The following TFAP2E variants were observed in gnomAD, a reference collection of about 807,000 sequenced individuals.
The protein encoded by TFAP2E is transcription factor AP-2 epsilon, also known as transcription factor AP-2-epsilon.
A neutral mutation model predicts 37.9 loss-of-function variants in TFAP2E; 30 were observed. The observed-to-expected ratio is 0.79, with a 90% CI of 0.59 to 1.07. TFAP2E has a LOEUF of 1.07. Among genes scored for constraint, TFAP2E ranks in the 50% least tolerant of loss-of-function variants. TFAP2E has a pLI of 0.00. For missense variants in TFAP2E, 567 were observed against 637.9 expected (o/e 0.89, Z 1.20); for synonymous variants, 318 against 295.8 (o/e 1.08, Z -0.77).
chr1:35,594,386 C>T lies in TFAP2E; in HGVS notation c.1047-8C>T, dbSNP rs750391655. 3.7e-6 allele frequency: 6 copies of T among 1,609,798 alleles called. No individual in the cohort carries two copies. Among genetic ancestry groups the T allele is most frequent in the East Asian group, 2.2e-5 (1 of 44,888 alleles). On this transcript the variant is annotated splice_region_variant and splice_polypyrimidine_tract_variant and intron_variant, in intron 6 of 6. Transcript: ENST00000373235. Reference sequence around the variant, plus strand: ...TCCTCCAACCTCTGACCCTCCTTCTCGCACCAGGCAGATCTGCAAGGAGTT... The same window carrying T: ...TCCTCCAACCTCTGACCCTCCTTCTTGCACCAGGCAGATCTGCAAGGAGTT...
chr1:35,575,221 G>A (rs1359173293), intron 3 of TFAP2E, among the ~76,000 whole-genome samples: 1 of 152,190 alleles, frequency 6.6e-6, no homozygotes, highest in Non-Finnish European at 1.5e-5. Context: ...GCATTCACTG[G>A]GCTGCAGCAC....
intron 6 of TFAP2E, among the ~76,000 whole-genome samples, chr1:35,592,795 C>A (rs1292793330): frequency 6.6e-6 from 1 of 152,156 alleles, no homozygotes; most frequent in Middle Eastern, 3.2e-3. Context: ...ATAGACAGCA[C>A]CTTGCTGTGT....
At chr1:35,576,416 T>C (rs956462630) in intron 3 of TFAP2E, among the ~76,000 whole-genome samples, 2 of 152,128 alleles carry the variant, frequency 1.3e-5, no homozygotes, top group African/African-American at 4.8e-5. Context: ...TGGCTTACTG[T>C]ACAGAGCCTT....
At chr1:35,579,954 C>G (rs1649298046) in intron 3 of TFAP2E, among the ~76,000 whole-genome samples, 1 of 152,120 alleles carries the variant, frequency 6.6e-6, no homozygotes. Context: ...TGCCTGTAAT[C>G]CCAGCACTTT....
Position 35,590,755 on chromosome 1 carries a change from G to A in TFAP2E, c.1026G>A (p.Lys342=). 1 of 1,478,722 alleles carries A rather than the reference G, an allele frequency of 6.8e-7. No individual in the cohort carries two copies. The highest frequency in any genetic ancestry group is 2.1e-5 in the Admixed American group (1 of 46,568). 91.6% of individuals were successfully genotyped at this position (1,478,722 alleles called of 1,614,324 possible). ...ACCCGGGGGAGCTGCACAGCCGCAA[G>A]AGCATGCTGCTGGCTGCCAAGTGAG... ...HADPGELHSR[K]SMLLAAKQIC... Residue 342 remains lysine, a synonymous_variant, in exon 6 of 7, where the codon AAG becomes AAA. Coordinates refer to ENST00000373235, the MANE Select transcript of TFAP2E (RefSeq NM_178548.4). This position sits in a 1 kb window ranked among gnomAD's most constrained non-coding sequence, Gnocchi z 6.2.
At chr1:35,580,553 G>T (rs1317663549) in intron 3 of TFAP2E, among the ~76,000 whole-genome samples, 1 of 152,116 alleles carries the variant, frequency 6.6e-6, no homozygotes, top group African/African-American at 2.4e-5. Context: ...GAGGTCAGGA[G>T]ATCGAGACCA....
rs549538222 is a variant in TFAP2E at position 35,592,685 on chromosome 1, G to A, written c.1047-1709G>A. ...TTGGATTATAGGTGTGAGCCACCAC[G>A]CCCAGCCAACAAGAGACATTTATTT... is the stretch of plus-strand genomic sequence containing the variant. On this transcript the variant is annotated intron_variant, in intron 6 of 6. Coordinates refer to ENST00000373235, the MANE Select transcript of TFAP2E (RefSeq NM_178548.4). 5.3e-5 allele frequency among the ~76,000 whole-genome samples: 8 copies of A among 152,282 alleles called. No individual in the cohort carries two copies. In the South Asian group the frequency reaches 6.2e-4, roughly 12 times the overall value.
intron 3 of TFAP2E, among the ~76,000 whole-genome samples, chr1:35,578,108 TCAAGAGGTGCTTAGTGGG>T (rs1649236756): frequency 6.6e-6 from 1 of 152,100 alleles, no homozygotes; most frequent in African/African-American, 2.4e-5. Flanking sequence ...TGAACCGGGT[TCAAGAGGTGCTTAGTGGG>T]TGTTTGTTGA....
rs1649649456 is a variant in TFAP2E, at chr1:35,590,955, G to T, written c.1046+180G>T. On this transcript the variant is annotated intron_variant, in intron 6 of 6. Coordinates refer to ENST00000373235, the MANE Select transcript of TFAP2E (RefSeq NM_178548.4). The surrounding 1 kb of genome is among the most constrained non-coding windows in gnomAD (Gnocchi z 6.2). ...GTGCGCACCACTGTGTACATCAGCA[G>T]TGAGCACACACGTATGTGTGCGCCA... Among the ~76,000 whole-genome samples the T allele has an allele frequency of 6.6e-6, 1 of 152,106 alleles. No homozygotes were observed. Among genetic ancestry groups the T allele is most frequent in the Non-Finnish European group, 1.5e-5 (1 of 67,990 alleles).
Position 35,573,332 on chromosome 1 carries a change from G to A in TFAP2E, c.-246G>A, listed in dbSNP as rs781117007. 7.6e-4 allele frequency: 339 copies of A among 444,510 alleles called. No homozygotes were observed. The highest frequency in any genetic ancestry group is 1.2e-3 in the Non-Finnish European group (302 of 256,082). The allele number at this position is 444,510 out of a possible 1,614,324, so 27.5% of individuals were successfully genotyped here. On this transcript the variant is annotated 5_prime_UTR_variant, in exon 1 of 7. Transcript: ENST00000373235. This position sits in a 1 kb window ranked among gnomAD's most constrained non-coding sequence, Gnocchi z 5.9. ...TACGCTCAGAGGAGGAAGGGCGGGC[G>A]CTGGGCACCCGTTGACCGACTTTTC...
chr1:35,586,359 C>CA (rs1046851373), intron 3 of TFAP2E, among the ~76,000 whole-genome samples: 44 of 152,320 alleles, frequency 2.9e-4, no homozygotes, highest in African/African-American at 1.0e-3. Context: ...CACTCATTGA[C>CA]AGGTGACATC....
At chr1:35,586,419 G>A (rs1649482375) in intron 3 of TFAP2E, among the ~76,000 whole-genome samples, 1 of 152,152 alleles carries the variant, frequency 6.6e-6, no homozygotes, top group Non-Finnish European at 1.5e-5. Context: ...AACTGACCGG[G>A]CTCTGATGAG....
chr1:35,574,352 A>G lies in TFAP2E; in HGVS notation c.453A>G (p.Ala151=). The G allele has an allele frequency of 6.9e-7, 1 of 1,448,534 alleles. No individual in the cohort carries two copies. The highest frequency in any genetic ancestry group is 9.0e-7 in the Non-Finnish European group (1 of 1,113,226). The allele number at this position is 1,448,534 out of a possible 1,614,324, so 89.7% of individuals were successfully genotyped here. ...HGLADGAHGL[A]DAPLGLPGLA... is the part of the protein sequence containing the mutation. ...TGGCCGACGGCGCGCACGGCCTGGC[A>G]GACGCACCTCTCGGCCTTCCGGGGC... The change falls in exon 2 of 7, where the codon GCA becomes GCG. Residue 151 remains alanine (A), a synonymous_variant. Coordinates refer to ENST00000373235, the MANE Select transcript of TFAP2E (RefSeq NM_178548.4).
rs796133136 is a variant in TFAP2E, at chr1:35,587,653, A to AAAAAAAAAG, written c.563-674_563-673insAAAAAGAAA. Among the ~76,000 whole-genome samples, 32 of 147,770 alleles carry AAAAAAAAAG rather than the reference A, an allele frequency of 2.2e-4. No individual in the cohort carries two copies. In the South Asian group the frequency reaches 2.6e-3, roughly 12 times the overall value. On this transcript the variant is annotated intron_variant, in intron 3 of 6. Transcript: ENST00000373235. ...CTCCATCTCAAAAAAAAAAAAAAAA[A>AAAAAAAAAG]AAAGAAAGAAAGAAAGAAAATTAAC...
chr1:35,589,185 GCT>G (rs1491197260), intron 4 of TFAP2E, among the ~76,000 whole-genome samples: 91 of 131,026 alleles, frequency 6.9e-4, no homozygotes, highest in African/African-American at 2.7e-3. Context: ...GGTGTGTCCT[GCT>G]CTGTGTGTGT....
chr1:35,573,667 T>G lies in TFAP2E; in HGVS notation c.27+63T>G. 1.3e-6 allele frequency: 2 copies of G among 1,529,524 alleles called. No individual in the cohort carries two copies. Among genetic ancestry groups the G allele is most frequent in the Non-Finnish European group, 1.8e-6 (2 of 1,138,494 alleles). The allele number at this position is 1,529,524 out of a possible 1,614,324, so 94.7% of individuals were successfully genotyped here. A position where few individuals can be genotyped will look rare whatever the true frequency, so the allele number is the denominator to read the frequency against. On this transcript the variant is annotated intron_variant, in intron 1 of 6. Transcript: ENST00000373235. The surrounding 1 kb of genome is among the most constrained non-coding windows in gnomAD (Gnocchi z 5.9). ...GATCGGGGCGCCTGAGTGCTGGACTTTCCAACCCTCCTGTCCCGCGCTAAC... is the reference window on the plus strand; with the variant it reads ...GATCGGGGCGCCTGAGTGCTGGACTGTCCAACCCTCCTGTCCCGCGCTAAC...
Position 35,574,324 on chromosome 1 carries a change from G to C in TFAP2E, c.425G>C (p.Gly142Ala), listed in dbSNP as rs752202655. The C allele has an allele frequency of 3.4e-6, 5 of 1,453,412 alleles. No homozygotes were observed. The highest frequency in any genetic ancestry group is 2.3e-4 in the Middle Eastern group (1 of 4,438). The allele number at this position is 1,453,412 out of a possible 1,614,324, so 90.0% of individuals were successfully genotyped here. ...ACTGCCGTGCCCCGGCTCCTGCACG[G>C]CCTGGCCGACGGCGCGCACGGCCTG... ...YATAVPRLLH[G>A]LADGAHGLAD... The change falls in exon 2 of 7, where the codon GGC (glycine) becomes GCC (alanine). Residue 142 changes from glycine (G) to alanine (A), a missense_variant. Coordinates refer to ENST00000373235, the MANE Select transcript of TFAP2E (RefSeq NM_178548.4).
rs141727733 is a variant in TFAP2E, at chr1:35,593,509, A to G, written c.1047-885A>G. Among the ~76,000 whole-genome samples, 71 of 152,266 alleles carry G rather than the reference A, an allele frequency of 4.7e-4. 1 individual carries two copies. The East Asian group carries it at 0.012, about 26-fold the overall frequency. ...ACCTAACACAGTCCTTCAAACTGACAACTCCACCCTCCTGCCTTTGAGGCT... is the reference window on the plus strand; with the variant it reads ...ACCTAACACAGTCCTTCAAACTGACGACTCCACCCTCCTGCCTTTGAGGCT... On this transcript the variant is annotated intron_variant, in intron 6 of 6. Transcript: ENST00000373235.
chr1:35,573,477 C>T lies in TFAP2E; in HGVS notation c.-101C>T, dbSNP rs940252240. On this transcript the variant is annotated 5_prime_UTR_variant, in exon 1 of 7. Coordinates refer to ENST00000373235, the MANE Select transcript of TFAP2E (RefSeq NM_178548.4). This position sits in a 1 kb window ranked among gnomAD's most constrained non-coding sequence, Gnocchi z 5.9. ...TCGCACCCAGCTACCGCACCGTGAC[C>T]TCCGCGGGCTGTGCCGGCTCCCGGC... The T allele has an allele frequency of 7.3e-7, 1 of 1,371,268 alleles. No individual in the cohort carries two copies. Among genetic ancestry groups the T allele is most frequent in the Non-Finnish European group, 9.4e-7 (1 of 1,060,748 alleles). The allele number at this position is 1,371,268 out of a possible 1,614,324, so 84.9% of individuals were successfully genotyped here. A position where few individuals can be genotyped will look rare whatever the true frequency, so the allele number is the denominator to read the frequency against.
Sources: allele counts gnomAD v4.1 joint callset (sites outside exome capture counted in the v4.1 genomes callset), GRCh38; gene constraint gnomAD v4.1.1; non-coding constraint Gnocchi (gnomAD v3.1); transcripts MANE v1.5; gene names NCBI Gene and HGNC (gene_info 2026-07-23, HGNC 2026-07-21).